TRHDE: variants seen among roughly 807,000 people sequenced by gnomAD.
TRHDE encodes the protein thyrotropin-releasing hormone-degrading ectoenzyme.
In TRHDE, 72 loss-of-function variants were observed where a neutral mutation model predicts 125.7. That is an observed-to-expected ratio of 0.57 (90% confidence interval 0.47 to 0.70). TRHDE has a LOEUF of 0.70. Among genes scored for constraint, TRHDE ranks in the 30% least tolerant of loss-of-function variants. The pLI is 0.00. For missense variants in TRHDE, 1,110 were observed against 1,327.1 expected, an observed-to-expected ratio of 0.84 and a Z score of 2.54; for synonymous variants, 509 against 509.1, an observed-to-expected ratio of 1.00 and a Z score of 0.00.
rs73146999 is a variant in TRHDE, at chr12:72,663,308, G to A, written c.*113G>A. On this transcript the variant is annotated 3_prime_UTR_variant, in exon 19 of 19. Coordinates refer to ENST00000261180, the MANE Select transcript of TRHDE (RefSeq NM_013381.3). ...AAATGGCCAGATTTTCAGTGTTAAC[G>A]TGTGGGAGGAATTTTTTTTTTAGTT... 0.11 allele frequency: 86,984 copies of A among 812,746 alleles called. 5,194 individuals carry two copies. Among genetic ancestry groups the A allele is most frequent in the Non-Finnish European group, 0.12 (70,703 of 578,458 alleles). The allele number at this position is 812,746 out of a possible 1,614,324, so 50.3% of individuals were successfully genotyped here. A position where few individuals can be genotyped will look rare whatever the true frequency, so the allele number is the denominator to read the frequency against.
chr12:72,482,978 G>A (rs1051425664), intron 5 of TRHDE, among the ~76,000 whole-genome samples: 3 of 151,878 alleles, frequency 2.0e-5, no homozygotes, highest in African/African-American at 7.2e-5. Flanking sequence ...AAAATAATTT[G>A]GCTTCCTACA....
intron 10 of TRHDE, among the ~76,000 whole-genome samples, chr12:72,570,267 A>G (rs1870653750): frequency 6.6e-6 from 1 of 152,056 alleles, no homozygotes; most frequent in Non-Finnish European, 1.5e-5. Flanking sequence ...ATGTATTTTT[A>G]TCTCTCACAG....
chr12:72,209,675 G>A (rs1268815117), intron 2 of TRHDE, among the ~76,000 whole-genome samples: 2 of 152,128 alleles, frequency 1.3e-5, no homozygotes, highest in Non-Finnish European at 2.9e-5. Flanking sequence ...TAAAATAGGG[G>A]TAAACATGTT....
Position 72,273,481 on chromosome 12 carries a change from AT to A in TRHDE, c.840del (p.Ile281SerfsTer97), listed in dbSNP as rs1385607936. On this transcript the variant is annotated frameshift_variant, in exon 1 of 19. Transcript: ENST00000261180. LOFTEE classifies it high-confidence loss of function. This position sits in a 1 kb window ranked among gnomAD's most constrained non-coding sequence, Gnocchi z 5.3. ...LDAQRNYNLK[I>X]IYNALIENEL... ...CGCGCAGAGGAATTACAATCTGAAG[AT>A]TATCTACAACGCGCTCATCGAGAAT... is the stretch of plus-strand genomic sequence containing the variant. 6.2e-7 allele frequency: 1 copy of A among 1,613,252 alleles called. No homozygotes were observed. Among genetic ancestry groups the A allele is most frequent in the Non-Finnish European group, 8.5e-7 (1 of 1,180,000 alleles).
intron 6 of TRHDE, among the ~76,000 whole-genome samples, chr12:72,510,820 A>C (rs1347084564): frequency 6.6e-6 from 1 of 152,200 alleles, no homozygotes; most frequent in Non-Finnish European, 1.5e-5. Flanking sequence ...AAAAGCCAGA[A>C]AAAGAAGGGA....
chr12:72,652,613 A>G (rs1874550722), intron 16 of TRHDE, 124 bp downstream of exon 16: 3 of 613,206 alleles, frequency 4.9e-6, no homozygotes, highest in South Asian at 6.6e-5. Context: ...CTTCCTAAAC[A>G]TGAGGAAAAC....
At chr12:72,655,705 A>G (rs1874682878) in intron 17 of TRHDE, among the ~76,000 whole-genome samples, 1 of 152,182 alleles carries the variant, frequency 6.6e-6, no homozygotes, top group Admixed American at 6.6e-5. Flanking sequence ...TTCTTATTAT[A>G]TCTTCACAGG....
intron 15 of TRHDE, among the ~76,000 whole-genome samples, chr12:72,642,640 C>T (rs899365164): frequency 6.6e-6 from 1 of 152,092 alleles, no homozygotes; most frequent in Admixed American, 6.6e-5. Flanking sequence ...GAAAAACAAA[C>T]ACAGTTTTCC....
chr12:72,487,502 A>C (rs1877470351), intron 5 of TRHDE, among the ~76,000 whole-genome samples: 1 of 152,176 alleles, frequency 6.6e-6, no homozygotes, highest in South Asian at 2.1e-4. Flanking sequence ...GTACTGAAAG[A>C]AAATAAAAAC....
chr12:72,337,027 T>G (rs74103459), intron 2 of TRHDE, among the ~76,000 whole-genome samples: 12 of 152,158 alleles, frequency 7.9e-5, no homozygotes, highest in Admixed American at 4.6e-4. Flanking sequence ...AGAATCTGTA[T>G]TTTAAGGAAA....
chr12:72,667,519 A>G lies in TRHDE; in HGVS notation c.*4324A>G, dbSNP rs1370566875. On this transcript the variant is annotated 3_prime_UTR_variant, in exon 19 of 19. Transcript: ENST00000261180. ...GAGGGAAAGGAATACAGAGATGAAT[A>G]TGGCCTGAAGGAATGAACTCATATT... 1 of 151,740 alleles carries G rather than the reference A, an allele frequency of 6.6e-6. No homozygotes were observed. Among genetic ancestry groups the G allele is most frequent in the African/African-American group, 2.4e-5 (1 of 41,400 alleles). The allele number at this position is 151,740 out of a possible 1,614,324, so 9.4% of individuals were successfully genotyped here. A position where few individuals can be genotyped will look rare whatever the true frequency, so the allele number is the denominator to read the frequency against.
intron 5 of TRHDE, among the ~76,000 whole-genome samples, chr12:72,480,356 T>A (rs1363003401): frequency 1.3e-5 from 2 of 152,034 alleles, no homozygotes; most frequent in Non-Finnish European, 2.9e-5. Context: ...ATTGCCATTC[T>A]AACTGGTGTG....
rs7307172 is a variant in TRHDE, at chr12:72,224,142, T to G, written n.279+118390T>G. Among the ~76,000 whole-genome samples, 78 of 32,648 alleles carry G rather than the reference T, an allele frequency of 2.4e-3. 1 individual carries two copies. The Middle Eastern group carries it at 0.044, about 18-fold the overall frequency. The allele number at this position is 32,648 out of a possible 152,430, so 21.4% of individuals were successfully genotyped here. On this transcript the variant is annotated intron_variant and non_coding_transcript_variant, in intron 2 of 4. Transcript: ENST00000548156. ...TCTATCTATCTATCTATCTATCTAT[T>G]TATCTATGTATGTATGTATGTATGT...
intron 3 of TRHDE, among the ~76,000 whole-genome samples, chr12:72,449,708 C>T (rs190103208): frequency 6.6e-6 from 1 of 151,896 alleles, no homozygotes; most frequent in African/African-American, 2.4e-5. Flanking sequence ...AGCTAGGCAG[C>T]CCAGGATTTA....
intron 3 of TRHDE, among the ~76,000 whole-genome samples, chr12:72,448,616 G>C (rs1027121338): frequency 6.6e-6 from 1 of 151,850 alleles, no homozygotes; most frequent in African/African-American, 2.4e-5. Flanking sequence ...AGTTGTGTCC[G>C]TTATGTATTA....
chr12:72,331,445 C>T (rs1368974084), intron 2 of TRHDE, among the ~76,000 whole-genome samples: 2 of 74,792 alleles, frequency 2.7e-5, no homozygotes, highest in African/African-American at 7.7e-5. Context: ...TGTATCTTGA[C>T]AGAAAGACAT....
chr12:72,108,835 T>C (rs1875248998), intron 2 of TRHDE, among the ~76,000 whole-genome samples: 1 of 152,080 alleles, frequency 6.6e-6, no homozygotes, highest in Admixed American at 6.6e-5. Flanking sequence ...AACACACGAA[T>C]GGTCTTAGAC....
At chr12:72,284,508 C>A (rs977794190) in intron 1 of TRHDE, among the ~76,000 whole-genome samples, 3 of 152,106 alleles carry the variant, frequency 2.0e-5, no homozygotes, top group Admixed American at 2.0e-4. Flanking sequence ...AAGGTACTGA[C>A]ATTTCATTAA....
intron 5 of TRHDE, among the ~76,000 whole-genome samples, chr12:72,482,341 C>T (rs917217691): frequency 1.8e-4 from 28 of 151,816 alleles, no homozygotes; most frequent in African/African-American, 6.8e-4. Context: ...GAGCCATCAC[C>T]TCAATCAGGT....
Sources: gnomAD v4.1 joint callset for allele counts (sites outside exome capture counted in the v4.1 genomes callset) on GRCh38, gnomAD v4.1.1 for gene constraint, Gnocchi (gnomAD v3.1) non-coding constraint, MANE v1.5 for transcripts, NCBI Gene and HGNC (gene_info 2026-07-23, HGNC 2026-07-21) for gene names.